Variants in ARHGAP20 observed in about 807,000 individuals in gnomAD.
ARHGAP20 encodes the protein rho GTPase-activating protein 20.
ARHGAP20 carries 34 observed loss-of-function variants against 73.7 expected under a neutral mutation model. The observed-to-expected ratio is 0.46, with a 90% CI of 0.35 to 0.61. The LOEUF is 0.61. Among genes scored for constraint, ARHGAP20 ranks in the 20% least tolerant of loss-of-function variants. The pLI is 0.00. For missense variants in ARHGAP20, 1,314 were observed against 1,420.9 expected, an observed-to-expected ratio of 0.92 and a Z score of 1.21; for synonymous variants, 523 against 518.2, an observed-to-expected ratio of 1.01 and a Z score of -0.13.
chr11:110,680,936 T>C (rs1437517543), intron 2 of ARHGAP20, among the ~76,000 whole-genome samples: 1 of 152,196 alleles, frequency 6.6e-6, no homozygotes, highest in Non-Finnish European at 1.5e-5. Flanking sequence ...AAGCAATTGC[T>C]GTCTCTTTTC....
intron 2 of ARHGAP20, among the ~76,000 whole-genome samples, chr11:110,687,237 A>AT (rs570602682): frequency 0.02 from 2,963 of 148,014 alleles, 57 homozygotes; most frequent in Admixed American, 0.056. Flanking sequence ...TGCCCGGCTA[A>AT]TTTTTTTTTT....
chr11:110,685,149 A>G (rs921931479), intron 2 of ARHGAP20, among the ~76,000 whole-genome samples: 8 of 152,264 alleles, frequency 5.3e-5, no homozygotes, highest in Non-Finnish European at 7.4e-5. Context: ...CTTCTGGGAA[A>G]TCTTTTTGAT....
At position 110,577,630 on chromosome 11, in the gene ARHGAP20, T is replaced by A. The variant is rs959724128; in HGVS notation, c.*1740A>T. The A allele has an allele frequency of 3.0e-6, 3 of 985,958 alleles. No homozygotes were observed. The African/African-American group carries it at 5.2e-5, about 17-fold the overall frequency. The allele number at this position is 985,958 out of a possible 1,614,324, so 61.1% of individuals were successfully genotyped here. On this transcript the variant is annotated 3_prime_UTR_variant, in exon 15 of 15. Transcript: ENST00000683387. ...ACCAAAAAAGATGCATATGGACACT[T>A]AGAAGTCTTAATATGTAGGACTGGT...
intron 2 of ARHGAP20, among the ~76,000 whole-genome samples, chr11:110,635,581 GC>G (rs1468387468): frequency 6.6e-6 from 1 of 151,986 alleles, no homozygotes; most frequent in African/African-American, 2.4e-5. Context: ...CTCAGCTATA[GC>G]TACCCCTTTC....
At chr11:110,609,266 C>A (rs1006973298) in intron 7 of ARHGAP20, among the ~76,000 whole-genome samples, 6 of 152,130 alleles carry the variant, frequency 3.9e-5, no homozygotes, top group African/African-American at 1.4e-4. Context: ...GAAAAACAAT[C>A]TTCCTGGCTC....
intron 4 of ARHGAP20, among the ~76,000 whole-genome samples, chr11:110,618,492 G>A (rs905999176): frequency 4.6e-5 from 7 of 152,138 alleles, no homozygotes; most frequent in Non-Finnish European, 8.8e-5. Context: ...CTTTCATACC[G>A]TTATTTGTGA....
At chr11:110,649,364 T>A (rs1847319163) in intron 2 of ARHGAP20, among the ~76,000 whole-genome samples, 1 of 151,526 alleles carries the variant, frequency 6.6e-6, no homozygotes, top group South Asian at 2.1e-4. Context: ...CATTTCACTA[T>A]CCCCAAAACA....
chr11:110,636,144 C>G (rs1052621055), intron 2 of ARHGAP20, among the ~76,000 whole-genome samples: 3 of 152,030 alleles, frequency 2.0e-5, no homozygotes, highest in Non-Finnish European at 4.4e-5. Context: ...CTCAAAGGGT[C>G]TGATGATAGT....
chr11:110,713,083 G>A (rs1950706693), upstream of ARHGAP20: 1 of 152,302 alleles, frequency 6.6e-6, no homozygotes, highest in Non-Finnish European at 1.5e-5. Flanking sequence ...GGTTTCCGCT[G>A]TCTGCAGGCT....
At chr11:110,604,817 A>G (rs1453804212) in intron 9 of ARHGAP20, among the ~76,000 whole-genome samples, 3 of 152,190 alleles carry the variant, frequency 2.0e-5, no homozygotes, top group Admixed American at 6.5e-5. Flanking sequence ...TGATTTACCA[A>G]TGACTTTGGT....
intron 9 of ARHGAP20, among the ~76,000 whole-genome samples, chr11:110,604,695 T>A (rs1565433756): frequency 6.6e-6 from 1 of 152,154 alleles, no homozygotes; most frequent in Non-Finnish European, 1.5e-5. Context: ...CGAAAAATTT[T>A]AGAGTCCAAA....
intron 2 of ARHGAP20, among the ~76,000 whole-genome samples, chr11:110,638,557 A>G (rs1949015528): frequency 6.6e-6 from 1 of 151,750 alleles, no homozygotes; most frequent in Admixed American, 6.6e-5. Context: ...CATAAAAGAG[A>G]TTGTTAAAAT....
At position 110,609,050 on chromosome 11, in the gene ARHGAP20, C is replaced by A; in HGVS notation, c.709G>T (p.Gly237Cys). Residue 237 changes from glycine (G) to cysteine (C), a missense_variant and splice_region_variant, in exon 8 of 15, where the codon GGC becomes TGC. Transcript: ENST00000683387. ...NMSLPMLGITGSERDYQLWVN... is the reference protein window; with the variant it reads ...NMSLPMLGITCSERDYQLWVN... ...CACAACTGGTAATCTCTCTCAGAGC[C>A]CTTAGAGATAAAAGAGTTAAATGTC... is the stretch of plus-strand genomic sequence containing the variant. 1 of 1,612,082 alleles carries A rather than the reference C, an allele frequency of 6.2e-7. No individual in the cohort carries two copies. Among genetic ancestry groups the A allele is most frequent in the South Asian group, 1.1e-5 (1 of 90,962 alleles).
intron 1 of ARHGAP20, among the ~76,000 whole-genome samples, chr11:110,692,531 T>C (rs1178324647): frequency 1.3e-5 from 2 of 152,094 alleles, no homozygotes. Context: ...TCAGCAGCTT[T>C]ACATCTGCTT....
rs199852125 is a variant in ARHGAP20 at position 110,579,332 on chromosome 11, C to G, written c.*38G>C. The stretch of plus-strand genomic sequence containing the variant: ...TAATTATTGTCTATTATTATTAACC[C>G]AGTTCCTGTTCTTGTGGACATCAGA... On this transcript the variant is annotated 3_prime_UTR_variant, in exon 15 of 15. Transcript: ENST00000683387. 2 of 1,534,626 alleles carry G rather than the reference C, an allele frequency of 1.3e-6. No homozygotes were observed. The highest frequency in any genetic ancestry group is 2.0e-5 in the Admixed American group (1 of 50,210).
chr11:110,711,695 G>T, intron 1 of ARHGAP20: 2 of 1,446,644 alleles, frequency 1.4e-6, no homozygotes, highest in Non-Finnish European at 1.8e-6. Flanking sequence ...GGCAGACATC[G>T]CCGGCCCTGA....
intron 2 of ARHGAP20, among the ~76,000 whole-genome samples, chr11:110,644,997 T>TTCTATCTCTCTCTC (rs1555094126): frequency 1.5e-4 from 23 of 150,412 alleles, no homozygotes; most frequent in African/African-American, 5.6e-4. Flanking sequence ...GAACAGACAC[T>TTCTATCTCTCTCTC]TCTCTCTCTC....
chr11:110,596,690 G>C (rs1420997549), intron 9 of ARHGAP20, among the ~76,000 whole-genome samples: 3 of 152,152 alleles, frequency 2.0e-5, no homozygotes, highest in Non-Finnish European at 2.9e-5. Flanking sequence ...TACACTGTTG[G>C]TGGGACTGTA....
chr11:110,606,028 C>G (rs1948219269), intron 9 of ARHGAP20, among the ~76,000 whole-genome samples: 1 of 152,190 alleles, frequency 6.6e-6, no homozygotes, highest in African/African-American at 2.4e-5. Flanking sequence ...TTTTATCATT[C>G]CAGAGTCTTT....
Sources: gnomAD v4.1 joint callset for allele counts (sites outside exome capture counted in the v4.1 genomes callset) on GRCh38, gnomAD v4.1.1 for gene constraint, MANE v1.5 for transcripts, NCBI Gene and HGNC (gene_info 2026-07-23, HGNC 2026-07-21) for gene names.